The following ACAD10 variants were observed in gnomAD, a reference collection of about 807,000 sequenced individuals.
ACAD10 encodes the protein acyl-CoA dehydrogenase family member 10.
ACAD10 carries 112 observed loss-of-function variants against 116.8 expected under a neutral mutation model. The ratio of observed to expected loss-of-function variants is 0.96; its 90% confidence interval spans 0.82 to 1.12. ACAD10 has a LOEUF of 1.12. ACAD10 is among the 50% of genes most tolerant of loss of function. The pLI, the probability that ACAD10 is intolerant of heterozygous loss-of-function variation, is 0.00. For synonymous variants in ACAD10, 486 were observed against 510.6 expected, an observed-to-expected ratio of 0.95 and a Z score of 0.65; for missense variants, 1,259 against 1,350.2, an observed-to-expected ratio of 0.93 and a Z score of 1.06.
intron 2 of ACAD10, chr12:111,693,097 T>C: frequency 1.7e-6 from 1 of 599,890 alleles, no homozygotes; most frequent in South Asian, 2.0e-5. Flanking sequence ...CTTACTTTCC[T>C]CATCATTAAA....
At chr12:111,716,877 T>C (rs1478357669) in intron 7 of ACAD10, among the ~76,000 whole-genome samples, 1 of 152,058 alleles carries the variant, frequency 6.6e-6, no homozygotes, top group East Asian at 1.9e-4. Flanking sequence ...CAAAAGAGTT[T>C]GGAAACTACT....
rs1889836764 is a variant in ACAD10 at position 111,744,650 on chromosome 12, A to G, written c.1722A>G (p.Ala574=). ...TTCTTTGATTCTGCTTAGGGCAAGC[A>G]AGCTCCACATATGCGGAACAAACTG... The part of the protein sequence containing the change: ...GVYKRSLTGQ[A]SSTYAEQTGK... The change falls in exon 13 of 21, where the codon GCA becomes GCG. Residue 574 remains alanine (A), a synonymous_variant. Transcript: ENST00000313698. The G allele has an allele frequency of 6.2e-7, 1 of 1,612,684 alleles. No homozygotes were observed. Among genetic ancestry groups the G allele is most frequent in the Non-Finnish European group, 8.5e-7 (1 of 1,179,042 alleles).
At chr12:111,691,868 A>T (rs1187378470) in intron 1 of ACAD10, among the ~76,000 whole-genome samples, 1 of 152,104 alleles carries the variant, frequency 6.6e-6, no homozygotes, top group Admixed American at 6.6e-5. Flanking sequence ...AAGTGTTGAG[A>T]TTACAGGCGT....
Position 111,734,990 on chromosome 12 carries a change from G to A in ACAD10, c.1540+922G>A, listed in dbSNP as rs1484661609. Among the ~76,000 whole-genome samples the A allele has an allele frequency of 3.3e-5, 5 of 152,098 alleles. No homozygotes were observed. In the East Asian group the frequency reaches 5.8e-4, roughly 18 times the overall value. On this transcript the variant is annotated intron_variant, in intron 11 of 20. Coordinates refer to ENST00000313698, the MANE Select transcript of ACAD10 (RefSeq NM_025247.6). ...TGTAATCCCAGCACTTTGGGAGGCC[G>A]AGACGGGTGGATCACGAGGTCAGGA...
In ACAD10 at chr12:111,748,378, A is replaced by G; in HGVS notation, c.2547A>G (p.Pro849=). 6.2e-7 allele frequency: 1 copy of G among 1,614,138 alleles called. No homozygotes were observed. Among genetic ancestry groups the G allele is most frequent in the East Asian group, 2.2e-5 (1 of 44,884 alleles). ...VFMGKTDPHA[P]RHRQQSVLLV... ...TGGGAAAAACAGACCCACATGCACC[A>G]AGACACCGGCAGCAGTCTGTGCTCT... Residue 849 remains proline (P), a synonymous_variant, in exon 17 of 21, where the codon CCA becomes CCG. Transcript: ENST00000313698.
chr12:111,712,012 CT>C (rs1888698558), intron 5 of ACAD10, among the ~76,000 whole-genome samples: 1 of 152,074 alleles, frequency 6.6e-6, no homozygotes, highest in South Asian at 2.1e-4. Flanking sequence ...TTCCTTCTTC[CT>C]TTGTTTTCCT....
At chr12:111,688,267 C>T (rs902863433) in intron 1 of ACAD10, 20 of 152,208 alleles carry the variant, frequency 1.3e-4, no homozygotes, top group African/African-American at 4.3e-4. Context: ...GGCATAGGAA[C>T]GTTAAGTAAA....
chr12:111,736,716 T>G, intron 11 of ACAD10, 115 bp from the exon 12 acceptor site: 2 of 1,031,696 alleles, frequency 1.9e-6, no homozygotes, highest in Non-Finnish European at 2.8e-6. Flanking sequence ...CCCATGGAAC[T>G]GGTCGTGAAA....
chr12:111,730,780 C>G (rs1432942368), intron 10 of ACAD10, among the ~76,000 whole-genome samples: 1 of 148,206 alleles, frequency 6.7e-6, no homozygotes, highest in Non-Finnish European at 1.5e-5. Context: ...TAGACATCGT[C>G]TCACTCAGTC....
intron 18 of ACAD10, among the ~76,000 whole-genome samples, chr12:111,752,381 A>G (rs1890096383): frequency 6.6e-6 from 1 of 152,058 alleles, no homozygotes; most frequent in Admixed American, 6.6e-5. Flanking sequence ...AGGCAGGCAG[A>G]TCACCTGAGG....
Position 111,756,828 on chromosome 12 carries a change from TG to T in ACAD10, c.*358del, listed in dbSNP as rs531553394. On this transcript the variant is annotated 3_prime_UTR_variant, in exon 21 of 21. Transcript: ENST00000313698. ...TGCCTGTGGGAATCTGGACACATTT[TG>T]GGAGGCCTCCCAAGGCTGTGGGACG... 6.5e-4 allele frequency: 304 copies of T among 471,254 alleles called. 3 individuals carry two copies. Among genetic ancestry groups the T allele is most frequent in the South Asian group, 4.0e-3 (256 of 64,694 alleles). The allele number at this position is 471,254 out of a possible 1,614,324, so 29.2% of individuals were successfully genotyped here.
At chr12:111,702,567 TA>T (rs1888378632) in intron 3 of ACAD10, among the ~76,000 whole-genome samples, 1 of 152,122 alleles carries the variant, frequency 6.6e-6, no homozygotes, top group South Asian at 2.1e-4. Flanking sequence ...CCGTTTCTAC[TA>T]AAAATACAAA....
chr12:111,726,735 C>A (rs536989242), intron 8 of ACAD10, among the ~76,000 whole-genome samples: 7 of 152,216 alleles, frequency 4.6e-5, no homozygotes, highest in East Asian at 1.9e-4. Flanking sequence ...GTGGCACATA[C>A]CTGTAGTTTC....
chr12:111,749,385 A>T, intron 18 of ACAD10, 40 bp downstream of exon 18: 3 of 1,580,740 alleles, frequency 1.9e-6, no homozygotes, highest in Non-Finnish European at 2.6e-6. Flanking sequence ...ACTCAGAACC[A>T]CCACCTTCTG....
chr12:111,691,157 G>A (rs762838518), intron 1 of ACAD10: 3 of 151,952 alleles, frequency 2.0e-5, no homozygotes, highest in Non-Finnish European at 4.4e-5. Context: ...CTCTATACAC[G>A]AGTGTATATA....
chr12:111,751,026 C>T (rs1890059372), intron 18 of ACAD10, among the ~76,000 whole-genome samples: 1 of 152,122 alleles, frequency 6.6e-6, no homozygotes, highest in Non-Finnish European at 1.5e-5. Context: ...AGCCTTCTGG[C>T]AGAATAATTG....
chr12:111,722,871 A>C (rs1451144685), intron 8 of ACAD10, among the ~76,000 whole-genome samples: 5 of 152,140 alleles, frequency 3.3e-5, no homozygotes, highest in African/African-American at 1.2e-4. Flanking sequence ...CGCCATTGTC[A>C]TCCTGGCCCG....
intron 19 of ACAD10, among the ~76,000 whole-genome samples, chr12:111,754,385 A>G (rs1380256355): frequency 2.6e-5 from 4 of 152,212 alleles, no homozygotes; most frequent in Non-Finnish European, 4.4e-5. Context: ...GTGGTACATC[A>G]TGGCTCACTG....
intron 8 of ACAD10, among the ~76,000 whole-genome samples, chr12:111,722,862 G>A (rs1254156759): frequency 3.9e-5 from 6 of 152,046 alleles, no homozygotes; most frequent in African/African-American, 9.7e-5. Flanking sequence ...CCACAAAGCC[G>A]CCATTGTCAT....
Sources: allele counts gnomAD v4.1 joint callset (sites outside exome capture counted in the v4.1 genomes callset), GRCh38; gene constraint gnomAD v4.1.1; transcripts MANE v1.5; gene names NCBI Gene and HGNC (gene_info 2026-07-23, HGNC 2026-07-21).